TMEM132B: variants seen among roughly 807,000 people sequenced by gnomAD.
The protein encoded by TMEM132B is transmembrane protein 132B.
TMEM132B carries 18 observed loss-of-function variants against 90.8 expected under a neutral mutation model. The ratio of observed to expected loss-of-function variants is 0.20; its 90% confidence interval spans 0.14 to 0.29. The LOEUF (loss-of-function observed/expected upper bound fraction) is 0.29, where lower values mean the gene tolerates loss of function less well. Among genes scored for constraint, TMEM132B ranks in the 10% least tolerant of loss-of-function variants. The pLI, the probability that TMEM132B is intolerant of heterozygous loss-of-function variation, is 1.00. For synonymous variants in TMEM132B, 504 were observed against 523.3 expected, an observed-to-expected ratio of 0.96 and a Z score of 0.50; for missense variants, 1,096 against 1,326.8, an observed-to-expected ratio of 0.83 and a Z score of 2.70.
intron 3 of TMEM132B, among the ~76,000 whole-genome samples, chr12:125,476,028 A>G (rs990736666): frequency 1.3e-5 from 2 of 152,198 alleles, no homozygotes; most frequent in South Asian, 2.1e-4. Context: ...TAATTAAAAC[A>G]TGATGTGTTT....
intron 3 of TMEM132B, among the ~76,000 whole-genome samples, chr12:125,508,215 C>A (rs1352960710): frequency 6.6e-6 from 1 of 152,128 alleles, no homozygotes; most frequent in Non-Finnish European, 1.5e-5. Context: ...CTAGTAAGTA[C>A]AATCAAATAT....
At chr12:125,516,210 C>T (rs545888885) in intron 3 of TMEM132B, among the ~76,000 whole-genome samples, 64 of 152,246 alleles carry the variant, frequency 4.2e-4, no homozygotes, top group African/African-American at 3.4e-4. Context: ...CCTCCTTCCC[C>T]ACTGCAGGAA....
chr12:125,567,370 C>T (rs907295814), intron 4 of TMEM132B, among the ~76,000 whole-genome samples: 6 of 151,994 alleles, frequency 3.9e-5, no homozygotes, highest in Non-Finnish European at 7.4e-5. Context: ...ACCCTATGCT[C>T]TCTCCCCTCT....
rs183223061 is a variant in TMEM132B, at chr12:125,256,902, A to G, written c.67+70036A>G. Among the ~76,000 whole-genome samples, 5 of 152,284 alleles carry G rather than the reference A, an allele frequency of 3.3e-5. No homozygotes were observed. The East Asian group carries it at 7.7e-4, about 24-fold the overall frequency. On this transcript the variant is annotated intron_variant, in intron 1 of 8. Transcript: ENST00000682704. ...GTTGAGAGAACAGGGGGCTCTTTAC[A>G]CAGAGATTTCTGCTTCTCAGGAGCA...
In TMEM132B at chr12:125,277,025, C is replaced by T. The variant is rs192914485; in HGVS notation, c.68-72427C>T. The stretch of plus-strand genomic sequence containing the variant: ...AGGCTATGAGCTGGATTTGTGGGTA[C>T]CGTGGGTTGAATTATGTCCACCAAA... On this transcript the variant is annotated intron_variant, in intron 1 of 8. Transcript: ENST00000682704. This position sits in a 1 kb window ranked among gnomAD's most constrained non-coding sequence, Gnocchi z 4.3. Among the ~76,000 whole-genome samples, 54 of 152,236 alleles carry T rather than the reference C, an allele frequency of 3.5e-4. No individual in the cohort carries two copies. The highest frequency in any genetic ancestry group is 1.3e-3 in the African/African-American group (53 of 41,538).
At chr12:125,468,569 C>T (rs1304073700) in intron 3 of TMEM132B, among the ~76,000 whole-genome samples, 1 of 152,120 alleles carries the variant, frequency 6.6e-6, no homozygotes, top group African/African-American at 2.4e-5. Context: ...ATCATTTGAC[C>T]AATACGTGAG....
intron 1 of TMEM132B, among the ~76,000 whole-genome samples, chr12:125,257,185 AG>A (rs1342145646): frequency 6.6e-6 from 1 of 152,174 alleles, no homozygotes; most frequent in Non-Finnish European, 1.5e-5. Context: ...GTTCGCCTAT[AG>A]TCCCAGCTAC....
chr12:125,653,120 C>T (rs1402226900), intron 8 of TMEM132B, among the ~76,000 whole-genome samples: 1 of 152,204 alleles, frequency 6.6e-6, no homozygotes, highest in African/African-American at 2.4e-5. Context: ...GCCAGCCAGC[C>T]TCACAATGCA....
intron 3 of TMEM132B, among the ~76,000 whole-genome samples, chr12:125,505,189 A>AAC (rs1566056616): frequency 1.4e-5 from 2 of 145,652 alleles, no homozygotes; most frequent in African/African-American, 5.2e-5. Flanking sequence ...AAAAAAAAAA[A>AAC]AAAAAACAGT....
chr12:125,530,536 G>C (rs375494940), intron 4 of TMEM132B, among the ~76,000 whole-genome samples: 30 of 152,350 alleles, frequency 2.0e-4, no homozygotes, highest in Middle Eastern at 3.4e-3. Flanking sequence ...CCCCAAACTA[G>C]GTGGCTTAAA....
intron 5 of TMEM132B, among the ~76,000 whole-genome samples, chr12:125,606,385 T>G (rs746749550): frequency 5.3e-5 from 8 of 151,096 alleles, no homozygotes; most frequent in Non-Finnish European, 1.2e-4. Context: ...CGTATTAGTG[T>G]GATTATAGGT....
chr12:125,650,604 C>A, intron 6 of TMEM132B, 79 bp from the exon 7 acceptor site: 1 of 1,527,516 alleles, frequency 6.5e-7, no homozygotes, highest in Non-Finnish European at 8.9e-7. Flanking sequence ...TGTGGGCTCA[C>A]CTAGAATCTG....
intron 3 of TMEM132B, among the ~76,000 whole-genome samples, chr12:125,468,543 T>C (rs956877109): frequency 1.3e-5 from 2 of 152,228 alleles, no homozygotes; most frequent in Non-Finnish European, 2.9e-5. Flanking sequence ...CCATAGTGTA[T>C]GTGGCTTTGT....
chr12:125,329,737 C>A (rs1876706115), intron 1 of TMEM132B, among the ~76,000 whole-genome samples: 1 of 152,146 alleles, frequency 6.6e-6, no homozygotes, highest in African/African-American at 2.4e-5. Flanking sequence ...TTAAAGTGTT[C>A]CCCCAGCCCC....
intron 1 of TMEM132B, among the ~76,000 whole-genome samples, chr12:125,255,302 A>AC (rs1489631911): frequency 5.3e-5 from 6 of 112,308 alleles, no homozygotes; most frequent in Non-Finnish European, 7.6e-5. Context: ...TCTCTCTCTC[A>AC]CCCCCCCTCC....
In TMEM132B at chr12:125,506,560, TA is replaced by T. The variant is rs888076033; in HGVS notation, c.1107-12870del. 1.8e-4 allele frequency among the ~76,000 whole-genome samples: 28 copies of T among 151,844 alleles called. No homozygotes were observed. In the East Asian group the frequency reaches 3.3e-3, roughly 18 times the overall value. On this transcript the variant is annotated intron_variant, in intron 3 of 8. Transcript: ENST00000682704. ...TTAAATTTTATAATGGAGTTAAAAG[TA>T]AAAAAAAATTATATTTCTATGTAAC...
chr12:125,473,429 A>G (rs1010671412), intron 3 of TMEM132B, among the ~76,000 whole-genome samples: 1 of 152,094 alleles, frequency 6.6e-6, no homozygotes, highest in Non-Finnish European at 1.5e-5. Context: ...TGTTAGCTCC[A>G]TGAAGGTAGA....
chr12:125,548,460 TCA>T (rs1489376480), intron 4 of TMEM132B, among the ~76,000 whole-genome samples: 2 of 152,204 alleles, frequency 1.3e-5, no homozygotes, highest in East Asian at 1.9e-4. Flanking sequence ...AGATTGTGAC[TCA>T]CAGTTTGAAA....
At chr12:125,336,170 C>T (rs1295850590) in intron 1 of TMEM132B, among the ~76,000 whole-genome samples, 1 of 152,170 alleles carries the variant, frequency 6.6e-6, no homozygotes, top group African/African-American at 2.4e-5. Context: ...CCCCTTCTGT[C>T]CGGCAGTCAC....
Sources: allele counts gnomAD v4.1 joint callset (sites outside exome capture counted in the v4.1 genomes callset), GRCh38; gene constraint gnomAD v4.1.1; non-coding constraint Gnocchi (gnomAD v3.1); transcripts MANE v1.5; gene names NCBI Gene and HGNC (gene_info 2026-07-23, HGNC 2026-07-21).